NEDD4L: variants seen among roughly 807,000 people sequenced by gnomAD.
The protein encoded by NEDD4L is NEDD4 like E3 ubiquitin protein ligase.
In NEDD4L, 54 loss-of-function variants were observed where a neutral mutation model predicts 148.9. The observed-to-expected ratio is 0.36, with a 90% CI of 0.29 to 0.45. NEDD4L has a LOEUF of 0.45. Ranked by LOEUF, NEDD4L falls within the 20% of genes least tolerant of loss-of-function variation. NEDD4L has a pLI of 1.00. For synonymous variants in NEDD4L, 433 were observed against 440.7 expected (o/e 0.98, Z 0.22); for missense variants, 856 against 1,233.8 (o/e 0.69, Z 4.59).
At chr18:58,167,307 G>C (rs899772657) in intron 2 of NEDD4L, among the ~76,000 whole-genome samples, 14 of 152,154 alleles carry the variant, frequency 9.2e-5, no homozygotes, top group African/African-American at 3.4e-4. Context: ...CAGGTCTCTA[G>C]GCATGGGCAG....
At chr18:58,386,154 G>A (rs922001322) in intron 26 of NEDD4L, among the ~76,000 whole-genome samples, 10 of 152,116 alleles carry the variant, frequency 6.6e-5, no homozygotes, top group Non-Finnish European at 1.5e-4. Context: ...CCGGGTTCAA[G>A]CAATTCTCCT....
chr18:58,294,330 T>C (rs765527336), intron 5 of NEDD4L, among the ~76,000 whole-genome samples: 2 of 152,208 alleles, frequency 1.3e-5, no homozygotes, highest in African/African-American at 2.4e-5. Context: ...AATTTTGGTA[T>C]CCATGTGTTT....
chr18:58,353,498 G>A (rs748589028), intron 18 of NEDD4L, among the ~76,000 whole-genome samples: 13 of 152,220 alleles, frequency 8.5e-5, no homozygotes, highest in Non-Finnish European at 1.8e-4. Context: ...TGCCTCCTTA[G>A]CTGTTCATGC....
intron 5 of NEDD4L, among the ~76,000 whole-genome samples, chr18:58,310,143 C>T (rs78574838): frequency 1.9e-3 from 289 of 152,316 alleles, no homozygotes; most frequent in Non-Finnish European, 3.4e-3. Context: ...GTTGTAGGTA[C>T]AGCCAGCAGG....
chr18:58,097,160 A>G (rs1307065690), intron 1 of NEDD4L, among the ~76,000 whole-genome samples: 1 of 152,264 alleles, frequency 6.6e-6, no homozygotes, highest in Non-Finnish European at 1.5e-5. Context: ...CTTATGACAC[A>G]GCCCTCCAGC....
intron 5 of NEDD4L, among the ~76,000 whole-genome samples, chr18:58,300,248 G>A (rs892685001): frequency 2.0e-5 from 3 of 152,248 alleles, no homozygotes; most frequent in African/African-American, 7.2e-5. Flanking sequence ...TGGGCACAGA[G>A]TGGTGAGTGC....
intron 2 of NEDD4L, among the ~76,000 whole-genome samples, chr18:58,219,629 CTG>C (rs35629078): frequency 0.47 from 71,755 of 151,758 alleles, 18,953 homozygotes; most frequent in East Asian, 0.74. Flanking sequence ...ATTTGTGTAC[CTG>C]TGTCCGTGTC....
chr18:58,271,280 T>A (rs1370608581), intron 5 of NEDD4L, among the ~76,000 whole-genome samples: 1 of 152,130 alleles, frequency 6.6e-6, no homozygotes, highest in African/African-American at 2.4e-5. Context: ...TGTGCTGTTA[T>A]GGAAGAACCC....
At chr18:58,365,948 A>G in intron 20 of NEDD4L, 51 bp from the exon 21 acceptor site, 5 of 1,289,814 alleles carry the variant, frequency 3.9e-6, no homozygotes, top group Non-Finnish European at 5.3e-6. Context: ...ATTAGAAAAC[A>G]AAGTGTGTAT....
At chr18:58,088,153 A>G (rs934250854) in intron 1 of NEDD4L, among the ~76,000 whole-genome samples, 1 of 152,202 alleles carries the variant, frequency 6.6e-6, no homozygotes, top group Non-Finnish European at 1.5e-5. Context: ...AGGGCAGCTG[A>G]CTTCCCTCAG....
At chr18:58,237,344 C>T (rs2046157776) in intron 2 of NEDD4L, among the ~76,000 whole-genome samples, 1 of 152,138 alleles carries the variant, frequency 6.6e-6, no homozygotes, top group Admixed American at 6.5e-5. Context: ...TCCCCGTTTC[C>T]TTATAGCCTT....
At chr18:58,316,125 C>A in intron 6 of NEDD4L, 93 bp downstream of exon 6, 1 of 1,052,968 alleles carries the variant, frequency 9.5e-7, no homozygotes. Flanking sequence ...ATTTCTTCAC[C>A]ACGGTGAAGA....
At chr18:58,342,613 C>T (rs1427089976) in intron 15 of NEDD4L, among the ~76,000 whole-genome samples, 2 of 152,044 alleles carry the variant, frequency 1.3e-5, no homozygotes, top group African/African-American at 4.8e-5. Flanking sequence ...ACATTTTTCT[C>T]CACTCTGTAA....
At chr18:58,201,281 C>T (rs960507408) in intron 2 of NEDD4L, among the ~76,000 whole-genome samples, 3 of 151,814 alleles carry the variant, frequency 2.0e-5, no homozygotes, top group East Asian at 1.9e-4. Flanking sequence ...TGCAGTGAGC[C>T]GAGATCACGC....
intron 27 of NEDD4L, chr18:58,388,168 T>C (rs1300408553): frequency 6.6e-6 from 1 of 152,278 alleles, no homozygotes; most frequent in Admixed American, 6.5e-5. Context: ...TCTCGCCCTT[T>C]GTTGTGTCGA....
chr18:58,235,482 C>T (rs1394508419), intron 2 of NEDD4L, among the ~76,000 whole-genome samples: 1 of 152,178 alleles, frequency 6.6e-6, no homozygotes, highest in African/African-American at 2.4e-5. Context: ...TCCTGGGAAC[C>T]AATGTCTGCC....
chr18:58,232,349 A>T (rs1297646795), intron 2 of NEDD4L, among the ~76,000 whole-genome samples: 1 of 152,224 alleles, frequency 6.6e-6, no homozygotes, highest in Non-Finnish European at 1.5e-5. Context: ...CTGAGATCCA[A>T]ATATAATAAT....
At chr18:58,268,643 A>C (rs1250752000) in intron 5 of NEDD4L, among the ~76,000 whole-genome samples, 1 of 152,052 alleles carries the variant, frequency 6.6e-6, no homozygotes, top group Non-Finnish European at 1.5e-5. Context: ...GAGAGTTTTT[A>C]AGTTGCTGCT....
chr18:58,147,423 C>T lies in NEDD4L; in HGVS notation c.49-18365C>T, dbSNP rs771762283. ...TTGGGGGGCAGAATCACCCCCTCCC[C>T]GAATTGAGAAGCTATGTTATTGGAA... is the stretch of plus-strand genomic sequence containing the variant. On this transcript the variant is annotated intron_variant, in intron 1 of 30. Coordinates refer to ENST00000400345, the MANE Select transcript of NEDD4L (RefSeq NM_001144967.3). Among the ~76,000 whole-genome samples, 4 of 152,122 alleles carry T rather than the reference C, an allele frequency of 2.6e-5. No homozygotes were observed. The East Asian group carries it at 5.8e-4, about 22-fold the overall frequency.
Sources: gnomAD v4.1 joint callset for allele counts (sites outside exome capture counted in the v4.1 genomes callset) on GRCh38, gnomAD v4.1.1 for gene constraint, MANE v1.5 for transcripts, NCBI Gene and HGNC (gene_info 2026-07-23, HGNC 2026-07-21) for gene names.